The following ZFHX4 variants were observed in gnomAD, a reference collection of about 807,000 sequenced individuals.
ZFHX4 encodes zinc finger homeobox protein 4.
ZFHX4 carries 56 observed loss-of-function variants against 267.6 expected under a neutral mutation model. That is an observed-to-expected ratio of 0.21 (90% CI 0.17 to 0.26). The LOEUF (loss-of-function observed/expected upper bound fraction) is 0.26, where lower values mean the gene tolerates loss of function less well. ZFHX4 is among the 10% of genes least tolerant of loss of function. The pLI is 1.00. For synonymous variants in ZFHX4, 1,778 were observed against 1,665.6 expected, an observed-to-expected ratio of 1.07 and a Z score of -1.64; for missense variants, 4,332 against 4,420.0, an observed-to-expected ratio of 0.98 and a Z score of 0.56.
chr8:76,800,612 A>C (rs1487433540), intron 4 of ZFHX4, among the ~76,000 whole-genome samples: 1 of 152,202 alleles, frequency 6.6e-6, no homozygotes, highest in African/African-American at 2.4e-5. Context: ...TCAAGGCCGC[A>C]CTGCCTTGTC....
chr8:76,839,285 A>G (rs978528973), intron 5 of ZFHX4, among the ~76,000 whole-genome samples: 2 of 152,178 alleles, frequency 1.3e-5, no homozygotes, highest in African/African-American at 4.8e-5. Context: ...AAATATAGCC[A>G]ATGTGTATAT....
At chr8:76,850,065 A>G (rs190019683) in intron 8 of ZFHX4, 180 bp from the exon 9 acceptor site, 4 of 594,456 alleles carry the variant, frequency 6.7e-6, no homozygotes, top group African/African-American at 1.9e-5. Context: ...ATAATACAAC[A>G]TTGCCACAGC....
chr8:76,765,056 A>G (rs1810016824), intron 3 of ZFHX4, among the ~76,000 whole-genome samples: 1 of 152,156 alleles, frequency 6.6e-6, no homozygotes, highest in Admixed American at 6.6e-5. Context: ...TTTTAAGTCA[A>G]GGAAGCTCAA....
At chr8:76,725,355 A>T (rs761457510) in intron 3 of ZFHX4, among the ~76,000 whole-genome samples, 1 of 152,146 alleles carries the variant, frequency 6.6e-6, no homozygotes, top group Non-Finnish European at 1.5e-5. Flanking sequence ...CTGCAGATCA[A>T]CTTGAAATAG....
chr8:76,813,645 G>A (rs1436975846), intron 4 of ZFHX4, among the ~76,000 whole-genome samples: 2 of 152,094 alleles, frequency 1.3e-5, no homozygotes, highest in Middle Eastern at 3.4e-3. Context: ...TTTTTGTCTG[G>A]AACTGAAATT....
intron 3 of ZFHX4, among the ~76,000 whole-genome samples, chr8:76,716,975 G>C (rs1449000697): frequency 6.6e-6 from 1 of 152,084 alleles, no homozygotes; most frequent in Non-Finnish European, 1.5e-5. Context: ...GGGTACCTCA[G>C]CAGTAATGCA....
chr8:76,850,136 T>C, intron 8 of ZFHX4, 109 bp from the exon 9 acceptor site: 1 of 858,974 alleles, frequency 1.2e-6, no homozygotes, highest in Non-Finnish European at 1.8e-6. Flanking sequence ...ATCCCTGCTT[T>C]GGCTAAAATA....
intron 3 of ZFHX4, among the ~76,000 whole-genome samples, chr8:76,738,554 G>A (rs2131677066): frequency 6.6e-6 from 1 of 151,932 alleles, no homozygotes; most frequent in Admixed American, 6.5e-5. Context: ...CTTGTATAAA[G>A]CCAAAGGAAT....
intron 6 of ZFHX4, among the ~76,000 whole-genome samples, chr8:76,846,646 T>C (rs1343004250): frequency 6.6e-6 from 1 of 152,114 alleles, no homozygotes; most frequent in Admixed American, 6.6e-5. Flanking sequence ...TTAATATACA[T>C]GGTATTAATT....
intron 4 of ZFHX4, among the ~76,000 whole-genome samples, chr8:76,794,307 G>A (rs951272121): frequency 2.0e-5 from 3 of 152,150 alleles, no homozygotes; most frequent in African/African-American, 4.8e-5. Context: ...ATTTTCAGCT[G>A]AAAATGGACA....
Position 76,705,407 on chromosome 8 carries a change from A to G in ZFHX4, c.1319A>G (p.Asp440Gly), listed in dbSNP as rs1383092728. The change falls in exon 2 of 11, where the codon GAC becomes GGC. Residue 440 changes from aspartate to glycine, a missense_variant. By Grantham distance (94) the Asp-to-Gly change is moderately conservative. Transcript: ENST00000651372. Reference sequence around the variant, plus strand: ...TCTAGCAAGATGTCAGAGAGCAAAGACCAAGAGAACAACTGTGAAAGGCCA... The same window carrying G: ...TCTAGCAAGATGTCAGAGAGCAAAGGCCAAGAGAACAACTGTGAAAGGCCA... ...SESSKMSESK[D>G]QENNCERPKE... The G allele has an allele frequency of 2.5e-6, 4 of 1,613,758 alleles. No individual in the cohort carries two copies. The African/African-American group carries it at 5.3e-5, about 22-fold the overall frequency.
intron 10 of ZFHX4, among the ~76,000 whole-genome samples, chr8:76,858,559 G>T (rs927043677): frequency 4.1e-4 from 63 of 152,162 alleles, no homozygotes; most frequent in Non-Finnish European, 1.8e-4. Flanking sequence ...TACCAGTGGG[G>T]CCCCACCTGA....
At chr8:76,690,916 T>C (rs1461421276) in intron 1 of ZFHX4, among the ~76,000 whole-genome samples, 2 of 152,034 alleles carry the variant, frequency 1.3e-5, no homozygotes, top group African/African-American at 4.8e-5. Flanking sequence ...AACTAGAAAT[T>C]ACCAAAATGC....
rs1243210796 is a variant in ZFHX4, at chr8:76,852,573, C to T, written c.5652C>T (p.Asp1884=). The change falls in exon 10 of 11, where the codon GAC becomes GAT. Residue 1884 remains aspartate, a synonymous_variant. Coordinates refer to ENST00000651372, the MANE Select transcript of ZFHX4 (RefSeq NM_024721.5). ...GTGAAGGACTCAAAGAAGGCAAAGA[C>T]ACAAAGAAGCAAAAATCCTTGGAAC... ...SEGEGLKEGK[D]TKKQKSLEPS... The T allele has an allele frequency of 6.2e-7, 1 of 1,611,444 alleles. No individual in the cohort carries two copies. The highest frequency in any genetic ancestry group is 2.2e-5 in the East Asian group (1 of 44,786).
Position 76,855,786 on chromosome 8 carries a change from C to A in ZFHX4, c.8865C>A (p.Thr2955=). ...GCTTTAGTGACTACCGAACTCCAAC[C>A]ATGCAAGAATGTGAAATGTTAGGGA... ...KACFSDYRTP[T]MQECEMLGNE... The change falls in exon 10 of 11, where the codon ACC becomes ACA. Residue 2955 remains threonine (T), a synonymous_variant. Transcript: ENST00000651372. The A allele has an allele frequency of 1.9e-6, 3 of 1,613,962 alleles. No homozygotes were observed. The highest frequency in any genetic ancestry group is 2.5e-6 in the Non-Finnish European group (3 of 1,179,866).
At chr8:76,770,528 A>G (rs1259637842) in intron 3 of ZFHX4, among the ~76,000 whole-genome samples, 2 of 152,056 alleles carry the variant, frequency 1.3e-5, no homozygotes, top group Non-Finnish European at 2.9e-5. Context: ...GCTGGACATT[A>G]TTTAGGAATT....
At chr8:76,857,583 C>T (rs2733711) in intron 10 of ZFHX4, among the ~76,000 whole-genome samples, 41,842 of 151,748 alleles carry the variant, frequency 0.28, 5,934 homozygotes, top group East Asian at 0.46. Context: ...CGCTAGCTTA[C>T]CTGGTTTTCT....
intron 1 of ZFHX4, among the ~76,000 whole-genome samples, chr8:76,691,472 A>G (rs1023209054): frequency 6.6e-6 from 1 of 152,132 alleles, no homozygotes; most frequent in African/African-American, 2.4e-5. Flanking sequence ...CATAATGTAC[A>G]GAAAGAATAA....
At chr8:76,780,599 GCT>G (rs532092428) in intron 4 of ZFHX4, among the ~76,000 whole-genome samples, 47 of 152,188 alleles carry the variant, frequency 3.1e-4, no homozygotes, top group South Asian at 1.0e-3. Context: ...GCCTTCTCAA[GCT>G]CTCTTTTGGC....
Sources: gnomAD v4.1 joint callset for allele counts (sites outside exome capture counted in the v4.1 genomes callset) on GRCh38, gnomAD v4.1.1 for gene constraint, MANE v1.5 for transcripts, NCBI Gene and HGNC (gene_info 2026-07-23, HGNC 2026-07-21) for gene names.